The following ASTN2 variants were observed in gnomAD, a reference collection of about 807,000 sequenced individuals.
The protein encoded by ASTN2 is astrotactin 2, also known as astrotactin-2.
A neutral mutation model predicts 139.8 loss-of-function variants in ASTN2; 54 were observed. That is an observed-to-expected ratio of 0.39 (90% CI 0.31 to 0.48). ASTN2 has a LOEUF of 0.48. ASTN2 is among the 20% of genes least tolerant of loss of function. ASTN2 has a pLI of 0.95. For missense variants in ASTN2, 1,565 were observed against 1,725.1 expected (o/e 0.91, Z 1.64); for synonymous variants, 756 against 719.5 (o/e 1.05, Z -0.81).
chr9:117,305,165 CTT>C (rs1309466652), intron 1 of ASTN2, among the ~76,000 whole-genome samples: 1 of 152,214 alleles, frequency 6.6e-6, no homozygotes, highest in African/African-American at 2.4e-5. Flanking sequence ...GAATTCCACT[CTT>C]GTCTTTGCTC....
chr9:117,209,120 A>C (rs1358632731), intron 3 of ASTN2, among the ~76,000 whole-genome samples: 1 of 152,196 alleles, frequency 6.6e-6, no homozygotes, highest in Non-Finnish European at 1.5e-5. Context: ...AACTGCAAAA[A>C]TAATAAGAGA....
At chr9:116,908,634 G>T (rs1204045267) in intron 10 of ASTN2, among the ~76,000 whole-genome samples, 1 of 152,182 alleles carries the variant, frequency 6.6e-6, no homozygotes, top group Non-Finnish European at 1.5e-5. Context: ...AAATCAACTG[G>T]CATCAAACTA....
intron 2 of ASTN2, among the ~76,000 whole-genome samples, chr9:117,253,496 C>G (rs1442469559): frequency 6.6e-6 from 1 of 152,154 alleles, no homozygotes; most frequent in African/African-American, 2.4e-5. Flanking sequence ...AGGAATCCAG[C>G]AACTCTAGTG....
chr9:117,336,802 C>G (rs138530728), intron 1 of ASTN2, among the ~76,000 whole-genome samples: 26 of 152,252 alleles, frequency 1.7e-4, no homozygotes, highest in Admixed American at 1.6e-3. Flanking sequence ...CCCAAAGTTT[C>G]AGGTTCATGT....
At chr9:117,051,944 T>C (rs1390207214) in intron 5 of ASTN2, among the ~76,000 whole-genome samples, 1 of 152,152 alleles carries the variant, frequency 6.6e-6, no homozygotes, top group African/African-American at 2.4e-5. Flanking sequence ...GGTATAAAAA[T>C]AAACCATACC....
intron 16 of ASTN2, among the ~76,000 whole-genome samples, chr9:116,689,207 CTA>C (rs1484660025): frequency 6.6e-6 from 1 of 152,152 alleles, no homozygotes; most frequent in Non-Finnish European, 1.5e-5. Flanking sequence ...AGTCCTAGCT[CTA>C]TCTCTTCCTG....
At position 116,699,279 on chromosome 9, in the gene ASTN2, G is replaced by A; in HGVS notation, c.2806+26492C>T. On this transcript the variant is annotated intron_variant, in intron 16 of 22. Transcript: ENST00000313400. This position sits in a 1 kb window ranked among gnomAD's most constrained non-coding sequence, Gnocchi z 4.2. ...GGTCAAATACAGCTGCCTATGTAGT[G>A]CTGTGCGGCCCAAATTTGTCACCTG... 6.2e-7 allele frequency: 1 copy of A among 1,614,230 alleles called. No homozygotes were observed. Among genetic ancestry groups the A allele is most frequent in the African/African-American group, 1.3e-5 (1 of 75,064 alleles).
At chr9:116,519,168 T>C (rs1587927264) in intron 19 of ASTN2, among the ~76,000 whole-genome samples, 1 of 152,018 alleles carries the variant, frequency 6.6e-6, no homozygotes, top group Admixed American at 6.6e-5. Flanking sequence ...TTAACAGATA[T>C]TTACAGAACA....
chr9:117,282,019 T>C (rs968009965), intron 2 of ASTN2, among the ~76,000 whole-genome samples: 1 of 152,162 alleles, frequency 6.6e-6, no homozygotes, highest in African/African-American at 2.4e-5. Flanking sequence ...TCTTTTCCTG[T>C]TCTCTTCTCT....
At chr9:116,653,581 CA>C (rs1172415061) in intron 16 of ASTN2, among the ~76,000 whole-genome samples, 18 of 152,266 alleles carry the variant, frequency 1.2e-4, no homozygotes, top group African/African-American at 3.4e-4. Flanking sequence ...GAGCTTAATC[CA>C]TCTGGCAGCT....
intron 4 of ASTN2, among the ~76,000 whole-genome samples, chr9:117,139,262 A>G (rs1361831348): frequency 1.3e-5 from 2 of 152,226 alleles, no homozygotes; most frequent in Non-Finnish European, 2.9e-5. Context: ...GAACTTTCCA[A>G]GGTGGTCTAC....
chr9:116,577,365 T>C (rs1853763332), intron 19 of ASTN2, among the ~76,000 whole-genome samples: 1 of 151,936 alleles, frequency 6.6e-6, no homozygotes, highest in South Asian at 2.1e-4. Flanking sequence ...CCCATCTCTA[T>C]AAAACAAAAT....
chr9:117,120,018 G>GTGTGTGTGTGTGTA (rs1306397698), intron 4 of ASTN2, among the ~76,000 whole-genome samples: 21 of 45,992 alleles, frequency 4.6e-4, no homozygotes, highest in Non-Finnish European at 7.4e-4. Flanking sequence ...GTGTGTGTGT[G>GTGTGTGTGTGTGTA]TATATATATA....
At chr9:116,881,293 A>T (rs1434553075) in intron 10 of ASTN2, among the ~76,000 whole-genome samples, 1 of 152,238 alleles carries the variant, frequency 6.6e-6, no homozygotes, top group Non-Finnish European at 1.5e-5. Flanking sequence ...CATTTTGCAG[A>T]TAAAGAAACT....
Position 116,698,642 on chromosome 9 carries a change from A to G in ASTN2, c.2806+27129T>C, listed in dbSNP as rs756141939. 9 of 1,614,044 alleles carry G rather than the reference A, an allele frequency of 5.6e-6. No homozygotes were observed. The highest frequency in any genetic ancestry group is 7.6e-6 in the Non-Finnish European group (9 of 1,180,030). On this transcript the variant is annotated intron_variant, in intron 16 of 22. Coordinates refer to ENST00000313400, the MANE Select transcript of ASTN2 (RefSeq NM_001365068.1). This position sits in a 1 kb window ranked among gnomAD's most constrained non-coding sequence, Gnocchi z 4.4. ...GACAAGCTGTTAAGAAGCCCCGGAC[A>G]GTTAACGTGGAAGATTCCTGGGCCA...
At chr9:116,701,119 T>TATC (rs1467364476) in intron 16 of ASTN2, 1 of 167,102 alleles carries the variant, frequency 6.0e-6, no homozygotes, top group East Asian at 1.9e-4. Flanking sequence ...CTAAGTAATA[T>TATC]ATCTTACTCT....
chr9:117,137,704 T>C (rs1026688536), intron 4 of ASTN2, among the ~76,000 whole-genome samples: 2 of 151,384 alleles, frequency 1.3e-5, no homozygotes, highest in African/African-American at 4.9e-5. Context: ...GTGGAGAATT[T>C]CCAAACTTTT....
chr9:116,937,906 A>G (rs193104460), intron 10 of ASTN2, among the ~76,000 whole-genome samples: 1 of 152,330 alleles, frequency 6.6e-6, no homozygotes, highest in Non-Finnish European at 1.5e-5. Context: ...AGATACACTG[A>G]AACTAAGCTC....
chr9:116,849,346 T>C (rs534093082), intron 11 of ASTN2, among the ~76,000 whole-genome samples: 6 of 152,276 alleles, frequency 3.9e-5, no homozygotes, highest in African/African-American at 1.4e-4. Context: ...TCTAATCTTG[T>C]CTTGGCCTTT....
Sources: gnomAD v4.1 joint callset for allele counts (sites outside exome capture counted in the v4.1 genomes callset) on GRCh38, gnomAD v4.1.1 for gene constraint, Gnocchi (gnomAD v3.1) non-coding constraint, MANE v1.5 for transcripts, NCBI Gene and HGNC (gene_info 2026-07-23, HGNC 2026-07-21) for gene names.